The following CNTNAP5 variants were observed in gnomAD, a reference collection of about 807,000 sequenced individuals.
CNTNAP5 encodes the protein contactin-associated protein-like 5.
A neutral mutation model predicts 150.2 loss-of-function variants in CNTNAP5; 72 were observed. That is an observed-to-expected ratio of 0.48 (90% CI 0.40 to 0.58). CNTNAP5 has a LOEUF of 0.58. Among genes scored for constraint, CNTNAP5 ranks in the 20% least tolerant of loss-of-function variants. CNTNAP5 has a pLI of 0.00. For missense variants in CNTNAP5, 1,636 were observed against 1,626.2 expected, an observed-to-expected ratio of 1.01 and a Z score of -0.10; for synonymous variants, 672 against 619.8, an observed-to-expected ratio of 1.08 and a Z score of -1.25.
chr2:124,327,912 A>T (rs1369023705), intron 3 of CNTNAP5, among the ~76,000 whole-genome samples: 1 of 152,152 alleles, frequency 6.6e-6, no homozygotes, highest in Non-Finnish European at 1.5e-5. Context: ...AAACTTTCCA[A>T]ATTGGTTGAG....
At chr2:124,123,862 C>T (rs541408928) in intron 1 of CNTNAP5, among the ~76,000 whole-genome samples, 2 of 152,216 alleles carry the variant, frequency 1.3e-5, no homozygotes, top group South Asian at 4.2e-4. Flanking sequence ...AGAAGGAAAA[C>T]TAACAAACAG....
intron 1 of CNTNAP5, among the ~76,000 whole-genome samples, chr2:124,151,359 G>A (rs143393626): frequency 2.1e-4 from 32 of 152,290 alleles, no homozygotes; most frequent in East Asian, 1.9e-3. Context: ...GATCTCCACA[G>A]TGACTCTCCC....
intron 13 of CNTNAP5, among the ~76,000 whole-genome samples, chr2:124,698,437 T>G (rs1679451883): frequency 6.6e-6 from 1 of 152,046 alleles, no homozygotes; most frequent in Non-Finnish European, 1.5e-5. Flanking sequence ...TATATTTAGT[T>G]ATTTATCATA....
chr2:124,188,515 G>T (rs557908717), intron 1 of CNTNAP5, among the ~76,000 whole-genome samples: 2 of 151,874 alleles, frequency 1.3e-5, no homozygotes, highest in African/African-American at 4.8e-5. Flanking sequence ...GTCAGGAGAT[G>T]GAGACCATCC....
chr2:124,874,021 G>A (rs917911286), intron 21 of CNTNAP5, among the ~76,000 whole-genome samples: 7 of 152,042 alleles, frequency 4.6e-5, no homozygotes, highest in African/African-American at 1.7e-4. Context: ...TATAAATAAA[G>A]CAGTTTTTTG....
intron 19 of CNTNAP5, among the ~76,000 whole-genome samples, chr2:124,865,015 T>A (rs1308522820): frequency 6.6e-6 from 1 of 152,080 alleles, no homozygotes; most frequent in Non-Finnish European, 1.5e-5. Flanking sequence ...TAAAGTTTCA[T>A]GATCCAATTA....
At chr2:124,423,423 C>T (rs888871270) in intron 4 of CNTNAP5, among the ~76,000 whole-genome samples, 12 of 152,108 alleles carry the variant, frequency 7.9e-5, no homozygotes, top group African/African-American at 2.7e-4. Context: ...TCAGCACCTT[C>T]GTCAGGCCAT....
At chr2:124,178,099 G>A (rs1039422820) in intron 1 of CNTNAP5, among the ~76,000 whole-genome samples, 14 of 151,910 alleles carry the variant, frequency 9.2e-5, no homozygotes, top group Non-Finnish European at 1.8e-4. Flanking sequence ...CACCCGCCTC[G>A]GCCTCCCAAA....
At chr2:124,894,611 T>C (rs771152888) in intron 21 of CNTNAP5, among the ~76,000 whole-genome samples, 29 of 151,004 alleles carry the variant, frequency 1.9e-4, no homozygotes, top group Non-Finnish European at 3.1e-4. Context: ...GGGAATGCAA[T>C]GGCCTGACGA....
At chr2:124,462,666 T>G (rs1233971509) in intron 6 of CNTNAP5, among the ~76,000 whole-genome samples, 1 of 152,218 alleles carries the variant, frequency 6.6e-6, no homozygotes, top group Non-Finnish European at 1.5e-5. Flanking sequence ...GCTAAATTAC[T>G]GTAATCCTTA....
rs375403237 is a variant in CNTNAP5 at position 124,306,250 on chromosome 2, C to T, written c.381+63857C>T. On this transcript the variant is annotated intron_variant, in intron 3 of 23. Transcript: ENST00000682447. ...TTCCTCTCTTCCTCCCCAAAGTGCT[C>T]CCAGTCGCTCCCACCCTCTCAGTCT... Among the ~76,000 whole-genome samples, 4 of 152,172 alleles carry T rather than the reference C, an allele frequency of 2.6e-5. No homozygotes were observed. The East Asian group carries it at 5.8e-4, about 22-fold the overall frequency.
At chr2:124,742,188 A>G (rs1476913307) in intron 13 of CNTNAP5, among the ~76,000 whole-genome samples, 1 of 152,116 alleles carries the variant, frequency 6.6e-6, no homozygotes, top group Non-Finnish European at 1.5e-5. Context: ...AAGACAACAT[A>G]CCCTTATGCA....
chr2:124,185,279 C>T (rs896453719), intron 1 of CNTNAP5, among the ~76,000 whole-genome samples: 3 of 152,144 alleles, frequency 2.0e-5, no homozygotes, highest in Non-Finnish European at 4.4e-5. Flanking sequence ...TCTCTGAGAC[C>T]TTGTTTGGTT....
At chr2:124,612,663 C>T (rs959799834) in intron 12 of CNTNAP5, among the ~76,000 whole-genome samples, 2 of 152,068 alleles carry the variant, frequency 1.3e-5, no homozygotes, top group African/African-American at 2.4e-5. Context: ...CAGCTTGATG[C>T]GTATGGTGGG....
At chr2:124,871,010 C>A (rs1335541402) in intron 21 of CNTNAP5, among the ~76,000 whole-genome samples, 1 of 152,070 alleles carries the variant, frequency 6.6e-6, no homozygotes, top group Non-Finnish European at 1.5e-5. Flanking sequence ...CCCCAAATAG[C>A]AGTTGGAAGA....
chr2:124,126,876 C>T (rs1683717392), intron 1 of CNTNAP5, among the ~76,000 whole-genome samples: 1 of 152,168 alleles, frequency 6.6e-6, no homozygotes. Flanking sequence ...ATGCTAAAAA[C>T]TCTCAATAAA....
intron 1 of CNTNAP5, among the ~76,000 whole-genome samples, chr2:124,102,230 C>A (rs1261348834): frequency 3.9e-5 from 6 of 152,194 alleles, no homozygotes; most frequent in Admixed American, 3.3e-4. Context: ...GGCACAGGAA[C>A]TAATCCAAGT....
chr2:124,404,081 C>T (rs193215583), intron 3 of CNTNAP5, among the ~76,000 whole-genome samples: 12 of 152,128 alleles, frequency 7.9e-5, no homozygotes, highest in African/African-American at 1.7e-4. Context: ...AAACCGTATC[C>T]GCAGGGATGT....
At chr2:124,202,792 A>G (rs529186996) in intron 1 of CNTNAP5, among the ~76,000 whole-genome samples, 6 of 152,200 alleles carry the variant, frequency 3.9e-5, no homozygotes, top group African/African-American at 1.2e-4. Flanking sequence ...AAGAGCATGG[A>G]AAAAATTCAC....
Sources: gnomAD v4.1 joint callset for allele counts (sites outside exome capture counted in the v4.1 genomes callset) on GRCh38, gnomAD v4.1.1 for gene constraint, MANE v1.5 for transcripts, NCBI Gene and HGNC (gene_info 2026-07-23, HGNC 2026-07-21) for gene names.